The following VWA3B variants were observed in gnomAD, a reference collection of about 807,000 sequenced individuals.
The protein encoded by VWA3B is von Willebrand factor A domain containing 3B.
VWA3B carries 138 observed loss-of-function variants against 158.3 expected under a neutral mutation model. The ratio of observed to expected loss-of-function variants is 0.87; its 90% CI spans 0.76 to 1.00. The LOEUF is 1.00. VWA3B is among the 50% of genes least tolerant of loss of function. The probability of loss-of-function intolerance (pLI) is 0.00; values close to 1 mark genes in which losing one functional copy is unlikely to be tolerated. For missense variants in VWA3B, 1,555 were observed against 1,565.1 expected (o/e 0.99, Z 0.11); for synonymous variants, 596 against 587.3 (o/e 1.01, Z -0.21).
chr2:98,237,548 G>A (rs569987340), intron 19 of VWA3B, among the ~76,000 whole-genome samples: 1 of 152,300 alleles, frequency 6.6e-6, no homozygotes, highest in South Asian at 2.1e-4. Context: ...GTTAAATGTG[G>A]AGGAAGGCCA....
At chr2:98,297,782 C>T (rs1689902174) in intron 23 of VWA3B, 125 bp from the exon 24 acceptor site, 4 of 1,222,230 alleles carry the variant, frequency 3.3e-6, no homozygotes, top group Non-Finnish European at 4.2e-6. Flanking sequence ...CTGGAGAAAT[C>T]AAAGGGGCAC....
chr2:98,106,194 T>C (rs6758614), intron 2 of VWA3B, among the ~76,000 whole-genome samples: 39,445 of 152,050 alleles, frequency 0.26, 5,733 homozygotes, highest in African/African-American at 0.4. Flanking sequence ...GGATTACAGG[T>C]GTGAGCCACT....
At chr2:98,301,045 A>G (rs1027162228) in intron 25 of VWA3B, among the ~76,000 whole-genome samples, 2 of 152,036 alleles carry the variant, frequency 1.3e-5, no homozygotes, top group African/African-American at 2.4e-5. Flanking sequence ...AATCCCAGCA[A>G]TTTGGGAGGC....
intron 14 of VWA3B, among the ~76,000 whole-genome samples, chr2:98,225,498 G>A (rs1684850739): frequency 1.3e-5 from 2 of 152,142 alleles, no homozygotes; most frequent in South Asian, 2.1e-4. Flanking sequence ...GTCATACTTA[G>A]TAGTGAAAGG....
At chr2:98,264,629 C>T (rs1424091949) in intron 21 of VWA3B, among the ~76,000 whole-genome samples, 1 of 152,076 alleles carries the variant, frequency 6.6e-6, no homozygotes, top group Non-Finnish European at 1.5e-5. Flanking sequence ...TGTGGCCTAA[C>T]ATTCAGTCTA....
chr2:98,278,641 A>G (rs1688676989), intron 22 of VWA3B, among the ~76,000 whole-genome samples: 1 of 152,096 alleles, frequency 6.6e-6, no homozygotes, highest in Admixed American at 6.5e-5. Context: ...CCATCAAGCC[A>G]TCCCCCTGAA....
chr2:98,256,299 C>T (rs1450712650), intron 21 of VWA3B, 125 bp downstream of exon 21: 1 of 1,107,892 alleles, frequency 9.0e-7, no homozygotes. Flanking sequence ...CAAACCACTA[C>T]CTTTTTCTAG....
intron 5 of VWA3B, among the ~76,000 whole-genome samples, chr2:98,122,418 C>A (rs751447599): frequency 6.6e-6 from 1 of 152,172 alleles, no homozygotes; most frequent in African/African-American, 2.4e-5. Flanking sequence ...CAGTGGTCAC[C>A]GGCCTGTGTT....
intron 2 of VWA3B, among the ~76,000 whole-genome samples, chr2:98,101,826 TC>T (rs1285210510): frequency 6.6e-6 from 1 of 151,464 alleles, no homozygotes; most frequent in Non-Finnish European, 1.5e-5. Context: ...ATCCCATCTT[TC>T]TTTTTTTTTT....
In VWA3B at chr2:98,154,936, G is replaced by A. The variant is rs903655192; in HGVS notation, c.989-7915G>A. On this transcript the variant is annotated intron_variant, in intron 7 of 27. Transcript: ENST00000477737. Reference sequence around the variant, plus strand: ...GAAAAAAGGAGGTCCCTCTCTTCAAGGGACCTGTGTTCTGGAATAGCCTAT... The same window carrying A: ...GAAAAAAGGAGGTCCCTCTCTTCAAAGGACCTGTGTTCTGGAATAGCCTAT... Among the ~76,000 whole-genome samples, 3 of 152,306 alleles carry A rather than the reference G, an allele frequency of 2.0e-5. 1 individual carries two copies. The highest frequency in any genetic ancestry group is 2.0e-4 in the Admixed American group (3 of 15,302).
At chr2:98,245,494 A>C in intron 19 of VWA3B, 2 of 454,362 alleles carry the variant, frequency 4.4e-6, no homozygotes. Context: ...CTGGATCTGC[A>C]TGTGGAGAGG....
chr2:98,216,751 C>T (rs765329210), intron 13 of VWA3B: 6 of 477,160 alleles, frequency 1.3e-5, no homozygotes, highest in Non-Finnish European at 2.1e-5. Flanking sequence ...GGAATGCCTT[C>T]CAGGGAACAT....
intron 19 of VWA3B, among the ~76,000 whole-genome samples, chr2:98,247,509 A>G (rs991208826): frequency 2.0e-5 from 3 of 152,262 alleles, no homozygotes; most frequent in South Asian, 2.1e-4. Context: ...TTTCAGCTGT[A>G]TATCTCTTTA....
intron 12 of VWA3B, among the ~76,000 whole-genome samples, chr2:98,210,914 T>C (rs1301564006): frequency 6.6e-6 from 1 of 152,190 alleles, no homozygotes; most frequent in African/African-American, 2.4e-5. Context: ...GAGACAAACT[T>C]GGCAGTAGTG....
chr2:98,286,352 G>A (rs760086676), intron 22 of VWA3B, among the ~76,000 whole-genome samples: 11 of 152,004 alleles, frequency 7.2e-5, no homozygotes, highest in Admixed American at 1.3e-4. Flanking sequence ...TGATCTTAAG[G>A]GTAAGTCATC....
At chr2:98,187,017 A>G (rs1233826931) in intron 9 of VWA3B, among the ~76,000 whole-genome samples, 1 of 151,918 alleles carries the variant, frequency 6.6e-6, no homozygotes, top group Non-Finnish European at 1.5e-5. Context: ...AAATTCGACA[A>G]GCATGCCAGG....
At chr2:98,177,733 G>T (rs749042614) in intron 8 of VWA3B, among the ~76,000 whole-genome samples, 1 of 152,066 alleles carries the variant, frequency 6.6e-6, no homozygotes, top group Non-Finnish European at 1.5e-5. Flanking sequence ...GGACTGCACC[G>T]CCTGGTCCAC....
At chr2:98,256,305 T>C in intron 21 of VWA3B, 131 bp downstream of exon 21, 2 of 1,069,670 alleles carry the variant, frequency 1.9e-6, no homozygotes, top group South Asian at 1.8e-5. Flanking sequence ...ACTACCTTTT[T>C]CTAGTTTCAA....
chr2:98,172,364 GGGGCCTGCTGGCA>G, intron 8 of VWA3B, among the ~76,000 whole-genome samples: 1 of 150,700 alleles, frequency 6.6e-6, no homozygotes, highest in Non-Finnish European at 1.5e-5. Context: ...CTGCTGGCCA[GGGGCCTGCTGGCA>G]TGCCGGTGCG....
Sources: gnomAD v4.1 joint callset for allele counts (sites outside exome capture counted in the v4.1 genomes callset) on GRCh38, gnomAD v4.1.1 for gene constraint, MANE v1.5 for transcripts, NCBI Gene and HGNC (gene_info 2026-07-23, HGNC 2026-07-21) for gene names.